Variants in LRRC37A2 observed in about 807,000 individuals in gnomAD.
The protein encoded by LRRC37A2 is leucine-rich repeat-containing protein 37A2.
Under a neutral mutation model 68.8 loss-of-function variants are expected in LRRC37A2, and 9 were observed. That is an observed-to-expected ratio of 0.13 (90% confidence interval 0.08 to 0.23). LRRC37A2 has a LOEUF of 0.23. LRRC37A2 is among the 10% of genes least tolerant of loss of function. LRRC37A2 has a pLI of 1.00. For synonymous variants in LRRC37A2, 63 were observed against 367.6 expected, an observed-to-expected ratio of 0.17 and a Z score of 9.48; for missense variants, 168 against 950.4, an observed-to-expected ratio of 0.18 and a Z score of 10.82.
the LRRC37A2 span, among the ~76,000 whole-genome samples, chr17:46,956,864 C>T: frequency 6.6e-6 from 1 of 152,192 alleles, no homozygotes; most frequent in Non-Finnish European, 1.5e-5. Flanking sequence ...AGAGCAGCTC[C>T]ACAGCGAGCA....
At chr17:46,957,613 AAAAC>A in the LRRC37A2 span, among the ~76,000 whole-genome samples, 60,400 of 151,268 alleles carry the variant, frequency 0.4, 12,221 homozygotes, top group South Asian at 0.47. Flanking sequence ...ACTTGGTCTC[AAAAC>A]AAACAAACAA....
the LRRC37A2 span, among the ~76,000 whole-genome samples, chr17:46,486,535 TTTTTAA>T: frequency 3.0e-5 from 1 of 33,060 alleles, no homozygotes; most frequent in African/African-American, 1.5e-4. Context: ...GATAATTCTA[TTTTTAA>T]TTTTATGAGG....
At chr17:46,392,695 TTTC>T in the LRRC37A2 span, among the ~76,000 whole-genome samples, 1 of 26,538 alleles carries the variant, frequency 3.8e-5, no homozygotes, top group African/African-American at 1.6e-4. Context: ...TCTTCAGTTG[TTTC>T]TGAACAACTG....
chr17:47,024,704 T>G, the LRRC37A2 span: 2 of 864,366 alleles, frequency 2.3e-6, no homozygotes, highest in Non-Finnish European at 4.0e-6. Context: ...ATAACTTGAC[T>G]GAATTACACA....
At chr17:46,893,301 A>G in the LRRC37A2 span, among the ~76,000 whole-genome samples, 1 of 152,132 alleles carries the variant, frequency 6.6e-6, no homozygotes, top group Non-Finnish European at 1.5e-5. Flanking sequence ...TTTCATAGCA[A>G]TCCAGCAACA....
chr17:46,811,599 C>A, the LRRC37A2 span, among the ~76,000 whole-genome samples: 1 of 152,080 alleles, frequency 6.6e-6, no homozygotes, highest in Non-Finnish European at 1.5e-5. Flanking sequence ...GCAGGCAGGC[C>A]CTCCCAGGCA....
At chr17:46,760,627 C>G in the LRRC37A2 span, among the ~76,000 whole-genome samples, 1 of 140,440 alleles carries the variant, frequency 7.1e-6, no homozygotes, top group Non-Finnish European at 1.5e-5. Context: ...GAGGAAGACC[C>G]TATCTCAAAA....
the LRRC37A2 span, chr17:46,929,554 C>G: frequency 6.4e-7 from 1 of 1,569,240 alleles, no homozygotes; most frequent in African/African-American, 1.4e-5. Context: ...CATGGGACGC[C>G]TGGAGACGGC....
At chr17:46,841,636 A>C in the LRRC37A2 span, among the ~76,000 whole-genome samples, 1 of 149,574 alleles carries the variant, frequency 6.7e-6, no homozygotes, top group Non-Finnish European at 1.5e-5. Context: ...GGATTCCTTG[A>C]GGAGAAGGGG....
the LRRC37A2 span, among the ~76,000 whole-genome samples, chr17:47,002,629 A>T: frequency 2.0e-5 from 3 of 152,090 alleles, no homozygotes; most frequent in African/African-American, 7.2e-5. Flanking sequence ...ACCTCAGGTG[A>T]TCCACCTGCC....
At chr17:46,980,336 C>CTTCT in the LRRC37A2 span, among the ~76,000 whole-genome samples, 1 of 92,612 alleles carries the variant, frequency 1.1e-5, no homozygotes, top group Non-Finnish European at 2.4e-5. Flanking sequence ...TCTCCCTTTC[C>CTTCT]TTCTCTCCTT....
At chr17:46,863,282 C>T in the LRRC37A2 span, among the ~76,000 whole-genome samples, 1 of 152,320 alleles carries the variant, frequency 6.6e-6, no homozygotes, top group East Asian at 1.9e-4. Context: ...GAGGGACAGC[C>T]CCGAACTGCA....
chr17:46,890,139 C>T, the LRRC37A2 span, among the ~76,000 whole-genome samples: 2 of 152,226 alleles, frequency 1.3e-5, no homozygotes, highest in African/African-American at 4.8e-5. Flanking sequence ...CCTCCTCGCT[C>T]CTCTTCCCTC....
At chr17:46,768,871 G>C in the LRRC37A2 span, 1 of 1,570,404 alleles carries the variant, frequency 6.4e-7, no homozygotes. This position sits in a 1 kb window ranked among gnomAD's most constrained non-coding sequence, Gnocchi z 5.0. Context: ...TTCCCTCTCT[G>C]CCACTGCCCA....
intron 2 of LRRC37A2, among the ~76,000 whole-genome samples, chr17:46,516,430 T>C (rs1445628108): frequency 3.5e-5 from 5 of 144,838 alleles, no homozygotes; most frequent in African/African-American, 1.3e-4. Flanking sequence ...CCTTGAGGTG[T>C]GGAGATGCTA....
At chr17:46,785,164 G>A in the LRRC37A2 span, among the ~76,000 whole-genome samples, 25 of 152,264 alleles carry the variant, frequency 1.6e-4, no homozygotes, top group African/African-American at 5.8e-4. Context: ...CACACAGTGG[G>A]ACCTCCCAGC....
At chr17:46,774,356 G>C in the LRRC37A2 span, among the ~76,000 whole-genome samples, 1 of 152,178 alleles carries the variant, frequency 6.6e-6, no homozygotes, top group South Asian at 2.1e-4. Flanking sequence ...GGACACGCGC[G>C]CGCGCGCACA....
At chr17:46,979,187 C>T in the LRRC37A2 span, 5 of 536,452 alleles carry the variant, frequency 9.3e-6, no homozygotes, top group African/African-American at 4.0e-5. Flanking sequence ...GGGCACCGGG[C>T]GGGAAGCGAC....
the LRRC37A2 span, among the ~76,000 whole-genome samples, chr17:46,780,253 G>T: frequency 6.6e-6 from 1 of 152,196 alleles, no homozygotes; most frequent in Non-Finnish European, 1.5e-5. Context: ...GCTGATGGGG[G>T]TCTGACTGTG....
Sources: allele counts gnomAD v4.1 joint callset (sites outside exome capture counted in the v4.1 genomes callset), GRCh38; gene constraint gnomAD v4.1.1; non-coding constraint Gnocchi (gnomAD v3.1); transcripts MANE v1.5; gene names NCBI Gene and HGNC (gene_info 2026-07-23, HGNC 2026-07-21).